Variants in RNF169 observed in about 807,000 individuals in gnomAD.
The protein encoded by RNF169 is ring finger protein 169.
In RNF169, 24 loss-of-function variants were observed where a neutral mutation model predicts 53.9. The observed-to-expected ratio is 0.45, with a 90% CI of 0.32 to 0.63. RNF169 has a LOEUF of 0.63. Among genes scored for constraint, RNF169 ranks in the 20% least tolerant of loss-of-function variants. RNF169 has a pLI of 0.04. For synonymous variants in RNF169, 396 were observed against 363.5 expected (o/e 1.09, Z -1.02); for missense variants, 883 against 906.2 (o/e 0.97, Z 0.33).
intron 1 of RNF169, among the ~76,000 whole-genome samples, chr11:74,763,211 A>T (rs1156769654): frequency 6.6e-6 from 1 of 152,154 alleles, no homozygotes; most frequent in Non-Finnish European, 1.5e-5. Flanking sequence ...AACAGGCTTC[A>T]AGCTAGTGAG....
intron 2 of RNF169, among the ~76,000 whole-genome samples, chr11:74,805,350 C>T (rs974511264): frequency 5.3e-5 from 8 of 152,040 alleles, no homozygotes; most frequent in African/African-American, 1.9e-4. Context: ...TAGTGGTAGC[C>T]TGGGGCTAAG....
intron 4 of RNF169, among the ~76,000 whole-genome samples, chr11:74,818,886 G>C (rs1403758135): frequency 6.6e-6 from 1 of 151,748 alleles, no homozygotes; most frequent in African/African-American, 2.4e-5. Flanking sequence ...TTTTTGTTTT[G>C]AGACAGGAGC....
Position 74,779,778 on chromosome 11 carries a change from T to G in RNF169, c.503-9848T>G, listed in dbSNP as rs183083387. On this transcript the variant is annotated intron_variant, in intron 1 of 5. Transcript: ENST00000299563. Reference sequence around the variant, plus strand: ...GGTGCATTTATTTTAAACATTAAAGTTTCTCCTTTCACTTACTTCATTTGA... The same window carrying G: ...GGTGCATTTATTTTAAACATTAAAGGTTCTCCTTTCACTTACTTCATTTGA... Among the ~76,000 whole-genome samples, 65 of 152,310 alleles carry G rather than the reference T, an allele frequency of 4.3e-4. 1 individual carries two copies. Among genetic ancestry groups the G allele is most frequent in the African/African-American group, 1.5e-3 (64 of 41,560 alleles).
chr11:74,830,907 A>G (rs1565188234), intron 4 of RNF169: 1 of 152,168 alleles, frequency 6.6e-6, no homozygotes, highest in Non-Finnish European at 1.5e-5. Flanking sequence ...AGTAGAATGA[A>G]GGGGAAAAAA....
intron 4 of RNF169, among the ~76,000 whole-genome samples, chr11:74,828,351 C>G (rs1209725765): frequency 6.6e-6 from 1 of 152,174 alleles, no homozygotes; most frequent in Non-Finnish European, 1.5e-5. Context: ...AATGGAAAAA[C>G]ATTGCATGCT....
intron 2 of RNF169, among the ~76,000 whole-genome samples, chr11:74,793,087 G>A (rs975702933): frequency 1.3e-5 from 2 of 152,190 alleles, no homozygotes; most frequent in African/African-American, 4.8e-5. Context: ...TACCACATGG[G>A]TGAACCTCAA....
intron 1 of RNF169, among the ~76,000 whole-genome samples, chr11:74,773,530 T>G (rs1408368321): frequency 6.6e-6 from 1 of 152,242 alleles, no homozygotes; most frequent in African/African-American, 2.4e-5. Flanking sequence ...GCCAGTTTTC[T>G]TTTTGAGCTT....
chr11:74,832,288 GA>G (rs2036190814), intron 4 of RNF169: 1 of 150,996 alleles, frequency 6.6e-6, no homozygotes, highest in Non-Finnish European at 1.5e-5. Context: ...TAGATTGTCA[GA>G]ATTTTTTTTT....
intron 2 of RNF169, chr11:74,808,247 A>C (rs2135114579): frequency 6.6e-6 from 1 of 152,324 alleles, no homozygotes; most frequent in Non-Finnish European, 1.5e-5. Flanking sequence ...ATACATTCTA[A>C]AACACTAGAA....
rs1180901724 is a variant in RNF169, at chr11:74,837,126, T to C, written c.*396T>C. On this transcript the variant is annotated 3_prime_UTR_variant, in exon 6 of 6. Transcript: ENST00000299563. The stretch of plus-strand genomic sequence containing the variant: ...TTGCAGATAAAAATTAATTCCATCT[T>C]TTTCAGACAAGTGAACAATTTAGTT... 1 of 159,660 alleles carries C rather than the reference T, an allele frequency of 6.3e-6. No individual in the cohort carries two copies. Among genetic ancestry groups the C allele is most frequent in the Non-Finnish European group, 1.4e-5 (1 of 73,030 alleles). The allele number at this position is 159,660 out of a possible 1,614,324, so 9.9% of individuals were successfully genotyped here. A position where few individuals can be genotyped will look rare whatever the true frequency, so the allele number is the denominator to read the frequency against.
intron 1 of RNF169, among the ~76,000 whole-genome samples, chr11:74,784,687 C>T (rs560071178): frequency 2.6e-4 from 40 of 152,278 alleles, no homozygotes; most frequent in South Asian, 1.0e-3. Context: ...TCAGATTCCC[C>T]GCAGGAAAGC....
Position 74,778,950 on chromosome 11 carries a change from A to G in RNF169, c.503-10676A>G, listed in dbSNP as rs533139907. Among the ~76,000 whole-genome samples the G allele has an allele frequency of 1.1e-3, 164 of 152,320 alleles. 2 individuals carry two copies. The highest frequency in any genetic ancestry group is 1.6e-3 in the Non-Finnish European group (110 of 68,034). ...ATACAGGTGACTTGCATCTTTCACT[A>G]ACTTAAGCAGTTTCCCATCTTATGA... On this transcript the variant is annotated intron_variant, in intron 1 of 5. Transcript: ENST00000299563.
chr11:74,777,790 G>A (rs1310702863), intron 1 of RNF169, among the ~76,000 whole-genome samples: 1 of 151,842 alleles, frequency 6.6e-6, no homozygotes, highest in Non-Finnish European at 1.5e-5. Flanking sequence ...CACCATGCTT[G>A]GCCAATTTTT....
At chr11:74,825,863 G>A (rs1047069400) in intron 4 of RNF169, among the ~76,000 whole-genome samples, 2 of 152,112 alleles carry the variant, frequency 1.3e-5, no homozygotes, top group African/African-American at 2.4e-5. Flanking sequence ...AGAACGGCCC[G>A]AGACTAGGTA....
At chr11:74,754,100 A>C (rs1383883188) in intron 1 of RNF169, among the ~76,000 whole-genome samples, 1 of 152,184 alleles carries the variant, frequency 6.6e-6, no homozygotes, top group African/African-American at 2.4e-5. Flanking sequence ...TTCAGGAATT[A>C]TGTAATATGT....
rs181124269 is a variant in RNF169, at chr11:74,798,377, C to T, written c.576+8678C>T. 5.1e-3 allele frequency among the ~76,000 whole-genome samples: 769 copies of T among 152,238 alleles called. 5 individuals are homozygous for T. Among genetic ancestry groups the T allele is most frequent in the African/African-American group, 0.017 (716 of 41,534 alleles). The stretch of plus-strand genomic sequence containing the variant: ...CCTGGGCGTGGTCATCTCTTATAGT[C>T]GAGACTGCAGAGATGCAATAGACTT... On this transcript the variant is annotated intron_variant, in intron 2 of 5. Transcript: ENST00000299563.
At chr11:74,750,887 T>G (rs1435561990) in intron 1 of RNF169, among the ~76,000 whole-genome samples, 3 of 134,806 alleles carry the variant, frequency 2.2e-5, no homozygotes, top group African/African-American at 8.6e-5. Context: ...TTTTTTTTTT[T>G]TTTTGAGACT....
chr11:74,772,667 G>T (rs2035277719), intron 1 of RNF169, among the ~76,000 whole-genome samples: 1 of 152,078 alleles, frequency 6.6e-6, no homozygotes, highest in Non-Finnish European at 1.5e-5. Context: ...TGTAAGTGGA[G>T]ATAATAATGG....
In RNF169 at chr11:74,784,853, C is replaced by T. The variant is rs527633135; in HGVS notation, c.503-4773C>T. ...CTTTTTAAGGATAGACATCTTCTCC[C>T]ACTGATGTGTTAGAAAGAAAGAAAA... is the stretch of plus-strand genomic sequence containing the variant. On this transcript the variant is annotated intron_variant, in intron 1 of 5. Coordinates refer to ENST00000299563, the MANE Select transcript of RNF169 (RefSeq NM_001098638.2). Among the ~76,000 whole-genome samples, 86 of 152,200 alleles carry T rather than the reference C, an allele frequency of 5.7e-4. 2 individuals are homozygous for T. In the South Asian group the frequency reaches 7.7e-3, roughly 14 times the overall value.
Sources: gnomAD v4.1 joint callset for allele counts (sites outside exome capture counted in the v4.1 genomes callset) on GRCh38, gnomAD v4.1.1 for gene constraint, MANE v1.5 for transcripts, NCBI Gene and HGNC (gene_info 2026-07-23, HGNC 2026-07-21) for gene names.